The following MUC5B variants were observed in gnomAD, a reference collection of about 807,000 sequenced individuals.
The protein encoded by MUC5B is mucin 5B, oligomeric mucus/gel-forming.
In MUC5B, 116 loss-of-function variants were observed where a neutral mutation model predicts 376.9. That is an observed-to-expected ratio of 0.31 (90% CI 0.26 to 0.36). The LOEUF (loss-of-function observed/expected upper bound fraction) is 0.36. Ranked by LOEUF, MUC5B falls within the 10% of genes least tolerant of loss-of-function variation. MUC5B has a pLI of 1.00. For synonymous variants in MUC5B, 3,517 were observed against 3,390.9 expected (o/e 1.04, Z -1.29); for missense variants, 7,165 against 7,769.9 (o/e 0.92, Z 2.93).
Position 1,234,994 on chromosome 11 carries a change from C to A in MUC5B, c.2631-91C>A. 1 of 1,472,170 alleles carries A rather than the reference C, an allele frequency of 6.8e-7. No homozygotes were observed. Among genetic ancestry groups the A allele is most frequent in the Non-Finnish European group, 9.0e-7 (1 of 1,112,346 alleles). The allele number at this position is 1,472,170 out of a possible 1,614,324, so 91.2% of individuals were successfully genotyped here. On this transcript the variant is annotated intron_variant, in intron 21 of 48. Transcript: ENST00000529681. This position sits in a 1 kb window ranked among gnomAD's most constrained non-coding sequence, Gnocchi z 6.3. Reference sequence around the variant, plus strand: ...GGCTGGGCCTGGGGAGGCTGAGGCCCCGTGCTGACCTGCACAGGCCTGGGT... The same window carrying A: ...GGCTGGGCCTGGGGAGGCTGAGGCCACGTGCTGACCTGCACAGGCCTGGGT...
In MUC5B at chr11:1,247,533, G is replaced by A. The variant is rs757386649; in HGVS notation, c.10653G>A (p.Ser3551=). ...ATATPSKTRT[S]TLLPSSPTSA... is the part of the protein sequence containing the mutation. ...CCACACCCAGCAAGACCCGCACCTC[G>A]ACCCTGCTGCCCAGCAGCCCCACAT... The change falls in exon 31 of 49, where the codon TCG becomes TCA. Residue 3551 remains serine, a synonymous_variant. Coordinates refer to ENST00000529681, the MANE Select transcript of MUC5B (RefSeq NM_002458.3). 14 of 1,610,618 alleles carry A rather than the reference G, an allele frequency of 8.7e-6. No individual in the cohort carries two copies. Among genetic ancestry groups the A allele is most frequent in the African/African-American group, 6.7e-5 (5 of 74,684 alleles).
Position 1,259,794 on chromosome 11 carries a change from G to C in MUC5B, c.16752G>C (p.Gly5584=), listed in dbSNP as rs1247375541. 6.2e-7 allele frequency: 1 copy of C among 1,612,424 alleles called. No homozygotes were observed. Among genetic ancestry groups the C allele is most frequent in the South Asian group, 1.1e-5 (1 of 91,086 alleles). The change falls in exon 45 of 49, where the codon GGG becomes GGC. Residue 5584 remains glycine, a synonymous_variant. Coordinates refer to ENST00000529681, the MANE Select transcript of MUC5B (RefSeq NM_002458.3). ...AGAGAGTGGCCGGGCAGTGCTGTGGGGAGTGCGTCCAGACCGCCTGCCTCA... is the reference window on the plus strand; with the variant it reads ...AGAGAGTGGCCGGGCAGTGCTGTGGCGAGTGCGTCCAGACCGCCTGCCTCA... ...EYKRVAGQCC[G]ECVQTACLTP...
At position 1,230,981 on chromosome 11, in the gene MUC5B, T is replaced by C; in HGVS notation, c.1516T>C (p.Tyr506His). 1 of 1,598,940 alleles carries C rather than the reference T, an allele frequency of 6.3e-7. No individual in the cohort carries two copies. The highest frequency in any genetic ancestry group is 2.3e-5 in the East Asian group (1 of 44,022). The change falls in exon 13 of 49, where the codon TAC becomes CAC. Residue 506 changes from tyrosine to histidine, a missense_variant. Tyr to His is a moderately conservative substitution (Grantham distance 83). Coordinates refer to ENST00000529681, the MANE Select transcript of MUC5B (RefSeq NM_002458.3). Reference sequence around the variant, plus strand: ...CGGCGGCGTGTTCCTCAACTCCATCTACACGCAGCTGCCCCTGTCGGCAGG... The same window carrying C: ...CGGCGGCGTGTTCCTCAACTCCATCCACACGCAGCTGCCCCTGTCGGCAGG... ...ADGGVFLNSI[Y>H]TQLPLSAANI...
At position 1,234,562 on chromosome 11, in the gene MUC5B, C is replaced by T. The variant is rs542318736; in HGVS notation, c.2512C>T (p.Pro838Ser). Reference protein sequence around the residue: ...STHCVSGCVCPPGLVSDGSGG... With the variant: ...STHCVSGCVCSPGLVSDGSGG... The stretch of plus-strand genomic sequence containing the variant: ...ACACTGCGTGTCCGGCTGTGTCTGT[C>T]CCCCGGGGCTGGTGTCGGATGGGAG... Residue 838 changes from proline to serine, a missense_variant, in exon 21 of 49, where the codon CCC (proline) becomes TCC (serine). Pro to Ser is a moderately conservative substitution (Grantham distance 74, BLOSUM62 -1). This residue lies in a region of MUC5B where 530 missense variants were observed against 604.0 expected (regional missense o/e 0.88). Coordinates refer to ENST00000529681, the MANE Select transcript of MUC5B (RefSeq NM_002458.3). The surrounding 1 kb of genome is among the most constrained non-coding windows in gnomAD (Gnocchi z 6.3). The T allele has an allele frequency of 7.0e-6, 11 of 1,582,432 alleles. No individual in the cohort carries two copies. In the East Asian group the frequency reaches 1.6e-4, roughly 23 times the overall value.
Position 1,250,842 on chromosome 11 carries a change from C to T in MUC5B, c.13962C>T (p.Thr4654=). 2 of 1,611,344 alleles carry T rather than the reference C, an allele frequency of 1.2e-6. No homozygotes were observed. Among genetic ancestry groups the T allele is most frequent in the South Asian group, 1.1e-5 (1 of 90,860 alleles). The change falls in exon 31 of 49, where the codon ACC becomes ACT. Residue 4654 remains threonine, a synonymous_variant. Transcript: ENST00000529681. ...GTTHTARVLT[T]TTTTVATGSM... ...CCCACACCGCCAGAGTGCTGACCAC[C>T]ACCACCACAACTGTGGCCACTGGTT... is the stretch of plus-strand genomic sequence containing the variant.
At chr11:1,252,026 A>G (rs1447720302) in intron 31 of MUC5B, among the ~76,000 whole-genome samples, 1 of 105,622 alleles carries the variant, frequency 9.5e-6, no homozygotes, top group African/African-American at 3.8e-5. Flanking sequence ...CCTGGACACA[A>G]TCCATCCCCA....
At position 1,226,219 on chromosome 11, in the gene MUC5B, T is replaced by A. The variant is rs1436332150; in HGVS notation, c.142T>A (p.Ser48Thr). Residue 48 changes from serine to threonine, a missense_variant, in exon 3 of 49, where the codon TCG becomes ACG. Coordinates refer to ENST00000529681, the MANE Select transcript of MUC5B (RefSeq NM_002458.3). ...TTCACCCACAGGTGCCCCGACGTCCTCGCCCACCCGGCGCGTGAGCTTTGT... is the reference window on the plus strand; with the variant it reads ...TTCACCCACAGGTGCCCCGACGTCCACGCCCACCCGGCGCGTGAGCTTTGT... Reference protein sequence around the residue: ...HTMDGGAPTSSPTRRVSFVPP... With the variant: ...HTMDGGAPTSTPTRRVSFVPP... The A allele has an allele frequency of 6.4e-7, 1 of 1,553,370 alleles. No homozygotes were observed. The highest frequency in any genetic ancestry group is 1.4e-5 in the African/African-American group (1 of 73,170).
At position 1,245,083 on chromosome 11, in the gene MUC5B, C is replaced by T. The variant is rs1564942535; in HGVS notation, c.8203C>T (p.Pro2735Ser). The T allele has an allele frequency of 1.3e-6, 2 of 1,542,502 alleles. No homozygotes were observed. Among genetic ancestry groups the T allele is most frequent in the South Asian group, 2.4e-5 (2 of 83,768 alleles). Residue 2735 changes from proline (P) to serine (S), a missense_variant, in exon 31 of 49, where the codon CCC becomes TCC. Physicochemically the swap from Pro to Ser is moderately conservative, Grantham distance 74. Coordinates refer to ENST00000529681, the MANE Select transcript of MUC5B (RefSeq NM_002458.3). ...TPAATSSTVT[P>S]SSALGTTHTP... The stretch of plus-strand genomic sequence containing the variant: ...TGCAGCCACCAGCAGCACAGTGACT[C>T]CCTCCTCTGCCCTAGGGACCACCCA...
Position 1,242,687 on chromosome 11 carries a change from C to T in MUC5B, c.5807C>T (p.Pro1936Leu). The change falls in exon 31 of 49, where the codon CCC (proline) becomes CTC (leucine). Residue 1936 changes from proline to leucine, a missense_variant. This residue lies in a region of MUC5B where 897 missense variants were observed against 779.6 expected (regional missense o/e 1.15). Transcript: ENST00000529681. ...PTSTLRTAPP[P>L]KVLTTTATTP... Reference sequence around the variant, plus strand: ...TCCACCCTGAGAACAGCTCCCCCTCCCAAAGTGCTGACCACCACGGCCACC... The same window carrying T: ...TCCACCCTGAGAACAGCTCCCCCTCTCAAAGTGCTGACCACCACGGCCACC... 2 of 1,613,746 alleles carry T rather than the reference C, an allele frequency of 1.2e-6. No homozygotes were observed. The highest frequency in any genetic ancestry group is 2.2e-5 in the South Asian group (2 of 91,076).
Position 1,226,394 on chromosome 11 carries a change from C to T in MUC5B, c.199+118C>T, listed in dbSNP as rs1162794012. ...GGGGCCGTTGGGCCAGACCCAGAGTCCTCCGTGTGGGCGGTCTCCTGGTCA... is the reference window on the plus strand; with the variant it reads ...GGGGCCGTTGGGCCAGACCCAGAGTTCTCCGTGTGGGCGGTCTCCTGGTCA... On this transcript the variant is annotated intron_variant, in intron 3 of 48. Coordinates refer to ENST00000529681, the MANE Select transcript of MUC5B (RefSeq NM_002458.3). The T allele has an allele frequency of 3.7e-6, 5 of 1,369,576 alleles. No homozygotes were observed. The South Asian group carries it at 5.0e-5, about 14-fold the overall frequency. 84.8% of individuals were successfully genotyped at this position (1,369,576 alleles called of 1,614,324 possible). A position where few individuals can be genotyped will look rare whatever the true frequency, so the allele number is the denominator to read the frequency against.
intron 26 of MUC5B, 155 bp from the exon 27 acceptor site, chr11:1,239,283 G>A: frequency 9.6e-7 from 1 of 1,042,438 alleles, no homozygotes; most frequent in Non-Finnish European, 1.4e-6. Flanking sequence ...TGGAGGGGAA[G>A]GTGAGGCACC....
rs751573419 is a variant in MUC5B at position 1,248,180 on chromosome 11, C to T, written c.11300C>T (p.Ala3767Val). The T allele has an allele frequency of 7.5e-6, 12 of 1,592,776 alleles. No individual in the cohort carries two copies. The change falls in exon 31 of 49, where the codon GCC becomes GTC. Residue 3767 changes from alanine to valine, a missense_variant. Coordinates refer to ENST00000529681, the MANE Select transcript of MUC5B (RefSeq NM_002458.3). The part of the protein sequence containing the change: ...ATTPTVTSSK[A>V]TPFSSPGTAT... ...ACACCCACAGTCACCAGCTCCAAAG[C>T]CACTCCCTTCTCCAGTCCAGGGACT...
At position 1,243,247 on chromosome 11, in the gene MUC5B, A is replaced by G. The variant is rs529743974; in HGVS notation, c.6367A>G (p.Ser2123Gly). The change falls in exon 31 of 49, where the codon AGC becomes GGC. Residue 2123 changes from serine (S) to glycine (G), a missense_variant. By Grantham distance (56) the Ser-to-Gly change is moderately conservative. Transcript: ENST00000529681. Reference protein sequence around the residue: ...ATGSMATPSSSTQTSGTPPSL... With the variant: ...ATGSMATPSSGTQTSGTPPSL... ...TGGTTCTATGGCAACACCCTCCTCT[A>G]GCACACAGACCAGTGGTACTCCCCC... The G allele has an allele frequency of 1.6e-5, 25 of 1,557,512 alleles. 1 individual carries two copies. The Admixed American group carries it at 4.5e-4, about 28-fold the overall frequency.
rs541494931 is a variant in MUC5B at position 1,233,777 on chromosome 11, C to G, written c.2322-16C>G. 3.1e-6 allele frequency: 5 copies of G among 1,599,384 alleles called. No homozygotes were observed. Among genetic ancestry groups the G allele is most frequent in the South Asian group, 1.1e-5 (1 of 88,832 alleles). On this transcript the variant is annotated splice_polypyrimidine_tract_variant and intron_variant, in intron 18 of 48. Transcript: ENST00000529681. ...TGAGGGCCGCAGATCCAGGCTGTGC[C>G]GTCTGTCTCTTGTAGTTCATGTACG...
rs756370073 is a variant in MUC5B, at chr11:1,231,445, C to T, written c.1563C>T (p.Pro521=). The T allele has an allele frequency of 6.2e-7, 1 of 1,612,096 alleles. No homozygotes were observed. The highest frequency in any genetic ancestry group is 1.7e-5 in the Admixed American group (1 of 59,964). ...CAGCCAACATCACCCTGTTCACACC[C>T]TCGAGCTTCTTCATCGTGGTGCAGA... ...LSAANITLFT[P]SSFFIVVQTG... is the part of the protein sequence containing the mutation. Residue 521 remains proline (P), a synonymous_variant, in exon 14 of 49, where the codon CCC becomes CCT. Coordinates refer to ENST00000529681, the MANE Select transcript of MUC5B (RefSeq NM_002458.3).
intron 44 of MUC5B, chr11:1,259,398 T>G: frequency 2.1e-6 from 1 of 479,996 alleles, no homozygotes; most frequent in Non-Finnish European, 3.8e-6. Flanking sequence ...TCACTTATCC[T>G]GGCTCCCTGG....
rs1264472845 is a variant in MUC5B, at chr11:1,244,818, G to A, written c.7938G>A (p.Thr2646=). 12 of 1,613,134 alleles carry A rather than the reference G, an allele frequency of 7.4e-6. No homozygotes were observed. Among genetic ancestry groups the A allele is most frequent in the Middle Eastern group, 1.6e-4 (1 of 6,064 alleles). ...TTTTPTTRGS[T]VTPSSIPGTT... ...CCACACCCACAACCAGAGGTTCCAC[G>A]GTGACCCCCTCCTCCATCCCGGGGA... The change falls in exon 31 of 49, where the codon ACG becomes ACA. Residue 2646 remains threonine (T), a synonymous_variant. Transcript: ENST00000529681.
Position 1,235,231 on chromosome 11 carries a change from G to GC in MUC5B, c.2769+13dup. ...GAGTACATCTTGGCCCAGGTACGCC[G>GC]CCCCCTCGCCCACTCCTGCAGGCCG... On this transcript the variant is annotated intron_variant, in intron 22 of 48. Transcript: ENST00000529681. 2 of 1,611,984 alleles carry GC rather than the reference G, an allele frequency of 1.2e-6. No homozygotes were observed. The highest frequency in any genetic ancestry group is 1.7e-6 in the Non-Finnish European group (2 of 1,179,052).
At chr11:1,233,388 G>T (rs1862079395) in intron 18 of MUC5B, 120 bp downstream of exon 18, 13 of 1,180,428 alleles carry the variant, frequency 1.1e-5, no homozygotes, top group South Asian at 1.6e-5. Context: ...AGGCTGGGGA[G>T]AGTGGGGCAG....
Sources: allele counts gnomAD v4.1 joint callset (sites outside exome capture counted in the v4.1 genomes callset), GRCh38; gene constraint gnomAD v4.1.1; regional missense constraint gnomAD v4.1.1; non-coding constraint Gnocchi (gnomAD v3.1); transcripts MANE v1.5; gene names NCBI Gene and HGNC (gene_info 2026-07-23, HGNC 2026-07-21).